Variants in NIPBL observed in about 807,000 individuals in gnomAD.
The protein encoded by NIPBL is nipped-B-like protein.
Under a neutral mutation model 321.8 loss-of-function variants are expected in NIPBL, and 19 were observed. The ratio of observed to expected loss-of-function variants is 0.06; its 90% CI spans 0.04 to 0.09. The LOEUF is 0.09. NIPBL is among the 10% of genes least tolerant of loss of function. The pLI, the probability that NIPBL is intolerant of heterozygous loss-of-function variation, is 1.00. For synonymous variants in NIPBL, 1,106 were observed against 1,114.1 expected (o/e 0.99, Z 0.14); for missense variants, 2,210 against 3,327.0 (o/e 0.66, Z 8.26).
chr5:36,894,256 G>C (rs1398107671), intron 1 of NIPBL, among the ~76,000 whole-genome samples: 1 of 152,002 alleles, frequency 6.6e-6, no homozygotes, highest in Admixed American at 6.6e-5. Context: ...ATTAGCTCAA[G>C]TTCATCTGAT....
intron 1 of NIPBL, among the ~76,000 whole-genome samples, chr5:36,924,309 T>A (rs2149562935): frequency 6.6e-6 from 1 of 152,320 alleles, no homozygotes; most frequent in Admixed American, 6.5e-5. Context: ...TACTGAATGT[T>A]TCTTGAGAAA....
chr5:36,937,432 C>T (rs1309090801), intron 1 of NIPBL, among the ~76,000 whole-genome samples: 1 of 152,122 alleles, frequency 6.6e-6, no homozygotes, highest in East Asian at 1.9e-4. Flanking sequence ...CTGAATATTT[C>T]AAATTTTACT....
chr5:36,987,886 G>C (rs1003073469), intron 10 of NIPBL, among the ~76,000 whole-genome samples: 3 of 152,046 alleles, frequency 2.0e-5, no homozygotes, highest in Admixed American at 2.0e-4. Context: ...CACCACAATT[G>C]TTTTCTTTTA....
At chr5:36,932,793 T>G (rs960976617) in intron 1 of NIPBL, among the ~76,000 whole-genome samples, 5 of 149,388 alleles carry the variant, frequency 3.3e-5, no homozygotes, top group East Asian at 1.9e-4. Flanking sequence ...TTTTTTTTTT[T>G]TTTTTTTTTT....
rs1028515700 is a variant in NIPBL at position 37,044,496 on chromosome 5, T to G, written c.6249+9T>G. ...TCAAATATGGCATGACTGTAAGCAC[T>G]CAGTTTACCATTTCTTTATTCATTA... On this transcript the variant is annotated intron_variant, in intron 35 of 46. Transcript: ENST00000282516. 6.2e-7 allele frequency: 1 copy of G among 1,613,114 alleles called. No homozygotes were observed. The highest frequency in any genetic ancestry group is 1.7e-5 in the Admixed American group (1 of 60,030).
At chr5:37,024,505 C>CTTAT in intron 29 of NIPBL, 80 bp from the exon 30 acceptor site, 1 of 1,189,726 alleles carries the variant, frequency 8.4e-7, no homozygotes, top group Admixed American at 1.9e-5. Context: ...GAATATACTG[C>CTTAT]GTATGGATAC....
chr5:36,929,273 A>G (rs1024292433), intron 1 of NIPBL, among the ~76,000 whole-genome samples: 2 of 151,900 alleles, frequency 1.3e-5, no homozygotes, highest in South Asian at 2.1e-4. Context: ...ACTTTTTTTT[A>G]TATGTTTATA....
chr5:37,060,782 G>T, intron 44 of NIPBL, 62 bp from the exon 45 acceptor site: 1 of 1,422,888 alleles, frequency 7.0e-7, no homozygotes, highest in Non-Finnish European at 9.7e-7. Flanking sequence ...CCTATAATTG[G>T]ATTTCTCCAA....
At chr5:36,925,692 T>G (rs1749306802) in intron 1 of NIPBL, among the ~76,000 whole-genome samples, 1 of 152,240 alleles carries the variant, frequency 6.6e-6, no homozygotes, top group Non-Finnish European at 1.5e-5. Flanking sequence ...AGAATTATAA[T>G]TAAAAACCTG....
At chr5:37,014,238 G>A (rs954067558) in intron 21 of NIPBL, among the ~76,000 whole-genome samples, 5 of 146,712 alleles carry the variant, frequency 3.4e-5, no homozygotes, top group East Asian at 1.9e-4. Flanking sequence ...GAGAGGGAGA[G>A]GGAGAAGGAG....
rs1218778836 is a variant in NIPBL, at chr5:36,985,407, C to G, written c.2227C>G (p.Arg743Gly). ...AACTCCAAAGCAAAAAGGTGAGAGC[C>G]GCCCTGAAACTCCAAAGCAAAAAAA... ...PETPKQKGES[R>G]PETPKQKNEG... Residue 743 changes from arginine (R) to glycine (G), a missense_variant, in exon 10 of 47, where the codon CGC (arginine) becomes GGC (glycine). By Grantham distance (125) the Arg-to-Gly change is moderately radical (BLOSUM62 -2). Coordinates refer to ENST00000282516, the MANE Select transcript of NIPBL (RefSeq NM_133433.4). 1.2e-6 allele frequency: 2 copies of G among 1,613,486 alleles called. No individual in the cohort carries two copies. The highest frequency in any genetic ancestry group is 1.7e-6 in the Non-Finnish European group (2 of 1,179,926).
In NIPBL at chr5:37,044,744, A is replaced by G; in HGVS notation, c.6343+15A>G. The G allele has an allele frequency of 6.3e-7, 1 of 1,578,376 alleles. No individual in the cohort carries two copies. The highest frequency in any genetic ancestry group is 8.7e-7 in the Non-Finnish European group (1 of 1,147,494). ...TAGATACTATGGTAAGTTCAATACC[A>G]GGGTTTTAAAATTATTCTGCTAGGT... On this transcript the variant is annotated intron_variant, in intron 36 of 46. Transcript: ENST00000282516.
chr5:37,044,688 A>G lies in NIPBL; in HGVS notation c.6302A>G (p.Gln2101Arg). 1 of 1,613,986 alleles carries G rather than the reference A, an allele frequency of 6.2e-7. No individual in the cohort carries two copies. Among genetic ancestry groups the G allele is most frequent in the Middle Eastern group, 1.7e-4 (1 of 6,058 alleles). Reference protein sequence around the residue: ...CLGAVVNKVTQNFKFVWACFN... With the variant: ...CLGAVVNKVTRNFKFVWACFN... Reference sequence around the variant, plus strand: ...GGAGCTGTTGTAAATAAAGTGACACAAAATTTTAAATTTGTGTGGGCTTGT... The same window carrying G: ...GGAGCTGTTGTAAATAAAGTGACACGAAATTTTAAATTTGTGTGGGCTTGT... Residue 2101 changes from glutamine (Q) to arginine (R), a missense_variant, in exon 36 of 47, where the codon CAA becomes CGA. By Grantham distance (43) the Gln-to-Arg change is conservative. This residue lies in a region of NIPBL where 73 missense variants were observed against 222.3 expected (regional missense o/e 0.33). Coordinates refer to ENST00000282516, the MANE Select transcript of NIPBL (RefSeq NM_133433.4).
chr5:36,877,382 C>T (rs571536126), intron 1 of NIPBL, among the ~76,000 whole-genome samples: 3 of 152,270 alleles, frequency 2.0e-5, no homozygotes, highest in Admixed American at 1.3e-4. Flanking sequence ...GCTCCGGTGG[C>T]GGGGACTGGG....
Position 37,033,685 on chromosome 5 carries a change from T to TACGCAC in NIPBL, c.5863-2692_5863-2691insGCACAC, listed in dbSNP as rs1554028794. 9.0e-3 allele frequency among the ~76,000 whole-genome samples: 583 copies of TACGCAC among 64,710 alleles called. 40 individuals carry two copies. The highest frequency in any genetic ancestry group is 0.05 in the African/African-American group (550 of 11,006). The allele number at this position is 64,710 out of a possible 152,430, so 42.5% of individuals were successfully genotyped here. A position where few individuals can be genotyped will look rare whatever the true frequency, so the allele number is the denominator to read the frequency against. Reference sequence around the variant, plus strand: ...TTACATATGTGTGTGTATATGTACATACACACACACACACACACACATATA... The same window carrying TACGCAC: ...TTACATATGTGTGTGTATATGTACATACGCACACACACACACACACACACACATATA... On this transcript the variant is annotated intron_variant, in intron 32 of 46. Coordinates refer to ENST00000282516, the MANE Select transcript of NIPBL (RefSeq NM_133433.4).
intron 45 of NIPBL, among the ~76,000 whole-genome samples, chr5:37,062,743 G>C (rs1017525528): frequency 1.3e-5 from 2 of 152,096 alleles, no homozygotes; most frequent in Non-Finnish European, 2.9e-5. Context: ...AACAGGGTGA[G>C]ACCCTGTCTC....
intron 24 of NIPBL, 97 bp from the exon 25 acceptor site, chr5:37,019,214 A>G: frequency 1.2e-6 from 1 of 801,798 alleles, no homozygotes; most frequent in East Asian, 2.6e-5. Flanking sequence ...TTTCATTTTT[A>G]ATATCAGTTT....
At chr5:36,972,773 T>A (rs966006570) in intron 8 of NIPBL, among the ~76,000 whole-genome samples, 1 of 151,862 alleles carries the variant, frequency 6.6e-6, no homozygotes, top group Non-Finnish European at 1.5e-5. Flanking sequence ...TCATAAAGCC[T>A]CTTTTCAACT....
At chr5:36,894,616 C>T (rs1746594613) in intron 1 of NIPBL, among the ~76,000 whole-genome samples, 1 of 151,898 alleles carries the variant, frequency 6.6e-6, no homozygotes, top group Non-Finnish European at 1.5e-5. Context: ...CCAAATCATA[C>T]TTTCTTTCTA....
Sources: allele counts gnomAD v4.1 joint callset (sites outside exome capture counted in the v4.1 genomes callset), GRCh38; gene constraint gnomAD v4.1.1; regional missense constraint gnomAD v4.1.1; transcripts MANE v1.5; gene names NCBI Gene and HGNC (gene_info 2026-07-23, HGNC 2026-07-21).